Variants in ZFAT observed in about 807,000 individuals in gnomAD.
The protein encoded by ZFAT is zinc finger and AT-hook domain containing.
In ZFAT, 64 loss-of-function variants were observed where a neutral mutation model predicts 117.7. The observed-to-expected ratio is 0.54, with a 90% CI of 0.44 to 0.67. The LOEUF is 0.67. Among genes scored for constraint, ZFAT ranks in the 30% least tolerant of loss-of-function variants. ZFAT has a pLI of 0.00. For missense variants in ZFAT, 1,433 were observed against 1,584.5 expected (o/e 0.90, Z 1.62); for synonymous variants, 679 against 615.0 (o/e 1.10, Z -1.54).
chr8:134,795,571 G>A, the ZFAT span: 2 of 152,216 alleles, frequency 1.3e-5, no homozygotes, highest in East Asian at 1.9e-4. Context: ...GGGGAAAGAG[G>A]GGGAGCTGTA....
chr8:134,579,043 A>C (rs761929402), intron 10 of ZFAT, among the ~76,000 whole-genome samples: 1 of 152,238 alleles, frequency 6.6e-6, no homozygotes, highest in Non-Finnish European at 1.5e-5. Flanking sequence ...AAAGCCAAAA[A>C]TACTTACAAT....
Position 134,532,702 on chromosome 8 carries a change from C to T in ZFAT, c.3115+132G>A, listed in dbSNP as rs140695837. On this transcript the variant is annotated intron_variant, in intron 12 of 15. Coordinates refer to ENST00000377838, the MANE Select transcript of ZFAT (RefSeq NM_020863.4). ...AGGACGATGATGACAACAATTAGGA[C>T]GATGAAGAATGAACATCACTGGCAC... 1.2e-3 allele frequency: 1,524 copies of T among 1,228,848 alleles called. 18 individuals carry two copies. The African/African-American group carries it at 0.02, about 16-fold the overall frequency. 76.1% of individuals were successfully genotyped at this position (1,228,848 alleles called of 1,614,324 possible). A position where few individuals can be genotyped will look rare whatever the true frequency, so the allele number is the denominator to read the frequency against.
chr8:134,810,460 A>G, the ZFAT span, among the ~76,000 whole-genome samples: 1 of 152,202 alleles, frequency 6.6e-6, no homozygotes, highest in Non-Finnish European at 1.5e-5. Context: ...TAAATAATCT[A>G]CTTCACGCTC....
At chr8:134,732,924 A>C in the ZFAT span, among the ~76,000 whole-genome samples, 3 of 152,180 alleles carry the variant, frequency 2.0e-5, no homozygotes, top group Admixed American at 1.3e-4. Context: ...AATCTACAGG[A>C]GATTCCTCAC....
chr8:134,818,910 C>CT, the ZFAT span, among the ~76,000 whole-genome samples: 1 of 152,108 alleles, frequency 6.6e-6, no homozygotes, highest in Admixed American at 6.5e-5. Flanking sequence ...TAATGGTTGC[C>CT]TAGAGAATGC....
intron 5 of ZFAT, among the ~76,000 whole-genome samples, chr8:134,607,654 A>G (rs1827994883): frequency 6.6e-6 from 1 of 152,234 alleles, no homozygotes; most frequent in Admixed American, 6.5e-5. Flanking sequence ...GGTCTATTTC[A>G]TTCTGAAGCT....
intron 3 of ZFAT, among the ~76,000 whole-genome samples, chr8:134,618,257 G>A (rs1361683404): frequency 2.0e-5 from 3 of 152,064 alleles, no homozygotes; most frequent in South Asian, 2.1e-4. Context: ...GACACTTTGC[G>A]ACACCCATAC....
intron 1 of ZFAT, among the ~76,000 whole-genome samples, chr8:134,703,718 G>T (rs1834073784): frequency 6.6e-6 from 1 of 152,210 alleles, no homozygotes; most frequent in Non-Finnish European, 1.5e-5. Context: ...GACTGAGCAG[G>T]TCTACAGAAA....
chr8:134,639,629 G>T (rs759548985), intron 2 of ZFAT: 5 of 452,378 alleles, frequency 1.1e-5, no homozygotes, highest in African/African-American at 6.0e-5. Flanking sequence ...AGAAATACAA[G>T]GTACAGAGTA....
chr8:134,716,809 CAAAG>C (rs1223214034), upstream of ZFAT, among the ~76,000 whole-genome samples: 2 of 152,128 alleles, frequency 1.3e-5, no homozygotes, highest in Admixed American at 6.5e-5. Context: ...AGTTACAATT[CAAAG>C]AAAGGGTCAA....
At chr8:134,676,883 G>A (rs1832831686) in intron 1 of ZFAT, among the ~76,000 whole-genome samples, 1 of 152,154 alleles carries the variant, frequency 6.6e-6, no homozygotes, top group African/African-American at 2.4e-5. Context: ...AAATAAAGAT[G>A]TTCTTTGAAA....
chr8:134,804,186 T>C, the ZFAT span, among the ~76,000 whole-genome samples: 3 of 152,214 alleles, frequency 2.0e-5, no homozygotes, highest in African/African-American at 7.2e-5. Flanking sequence ...ACAATACAGC[T>C]GCTTTCAGGG....
intron 10 of ZFAT, among the ~76,000 whole-genome samples, chr8:134,567,303 G>A (rs1471588916): frequency 6.6e-6 from 1 of 151,814 alleles, no homozygotes; most frequent in Non-Finnish European, 1.5e-5. Context: ...CATTTTTTCA[G>A]CACCTGATTT....
At chr8:134,693,642 A>T (rs1441961470) in intron 1 of ZFAT, among the ~76,000 whole-genome samples, 2 of 151,936 alleles carry the variant, frequency 1.3e-5, no homozygotes, top group African/African-American at 4.8e-5. Flanking sequence ...GGGTGGGAGA[A>T]GACAACTAGT....
At chr8:134,773,908 T>C in the ZFAT span, among the ~76,000 whole-genome samples, 2 of 151,960 alleles carry the variant, frequency 1.3e-5, no homozygotes, top group Admixed American at 6.6e-5. Context: ...GGTATGAACA[T>C]TGTTGAAATG....
chr8:134,535,474 T>TCTCCCCCTCCCC (rs1258416425), intron 11 of ZFAT, among the ~76,000 whole-genome samples: 1 of 95,164 alleles, frequency 1.1e-5, no homozygotes, highest in African/African-American at 4.2e-5. Context: ...CAGAGCTCCC[T>TCTCCCCCTCCCC]CTCCCCCTCC....
rs1047656301 is a variant in ZFAT, at chr8:134,478,731, G to A, written c.3493-10C>T. 6.5e-7 allele frequency: 1 copy of A among 1,546,282 alleles called. No individual in the cohort carries two copies. The highest frequency in any genetic ancestry group is 8.7e-7 in the Non-Finnish European group (1 of 1,143,758). On this transcript the variant is annotated splice_polypyrimidine_tract_variant and intron_variant, in intron 15 of 15. Coordinates refer to ENST00000377838, the MANE Select transcript of ZFAT (RefSeq NM_020863.4). This position sits in a 1 kb window ranked among gnomAD's most constrained non-coding sequence, Gnocchi z 5.2. ...GCTCCTCCTCGGTGACCTGCGGGAG[G>A]AGGGCAAGAGAAAGGTCACCCAGCG...
intron 1 of ZFAT, among the ~76,000 whole-genome samples, chr8:134,682,061 T>C (rs1270821431): frequency 6.6e-6 from 1 of 152,190 alleles, no homozygotes; most frequent in Non-Finnish European, 1.5e-5. Flanking sequence ...TAGGGAAAAC[T>C]TGCTGTAACC....
chr8:134,736,388 C>T, the ZFAT span, among the ~76,000 whole-genome samples: 1 of 152,162 alleles, frequency 6.6e-6, no homozygotes, highest in Non-Finnish European at 1.5e-5. Context: ...CAACCAAACA[C>T]ATCAGGGTGT....
Sources: allele counts gnomAD v4.1 joint callset (sites outside exome capture counted in the v4.1 genomes callset), GRCh38; gene constraint gnomAD v4.1.1; non-coding constraint Gnocchi (gnomAD v3.1); transcripts MANE v1.5; gene names NCBI Gene and HGNC (gene_info 2026-07-23, HGNC 2026-07-21).